The following EYA4 variants were observed in gnomAD, a reference collection of about 807,000 sequenced individuals.
The protein encoded by EYA4 is EYA transcriptional coactivator and phosphatase 4, also known as protein phosphatase EYA4.
EYA4 carries 31 observed loss-of-function variants against 87.9 expected under a neutral mutation model. That is an observed-to-expected ratio of 0.35 (90% CI 0.27 to 0.48). The LOEUF (loss-of-function observed/expected upper bound fraction) is 0.48. EYA4 is among the 20% of genes least tolerant of loss of function. The probability of loss-of-function intolerance (pLI) is 0.99; values close to 1 mark genes in which losing one functional copy is unlikely to be tolerated. For synonymous variants in EYA4, 263 were observed against 270.6 expected, an observed-to-expected ratio of 0.97 and a Z score of 0.28; for missense variants, 678 against 761.4, an observed-to-expected ratio of 0.89 and a Z score of 1.29.
At chr6:133,436,443 T>C (rs1392697842) in intron 3 of EYA4, among the ~76,000 whole-genome samples, 1 of 152,196 alleles carries the variant, frequency 6.6e-6, no homozygotes, top group East Asian at 1.9e-4. Context: ...CTACATTTTT[T>C]TCTATTCCTT....
rs1400422193 is a variant in EYA4, at chr6:133,448,142, C to G, written c.240C>G (p.Asp80Glu). Residue 80 changes from aspartate to glutamate, a missense_variant, in exon 5 of 20, where the codon GAC (aspartate) becomes GAG (glutamate). Coordinates refer to ENST00000355286, the MANE Select transcript of EYA4 (RefSeq NM_004100.5). Reference protein sequence around the residue: ...GENMTVLNTADWLLSCNTPSS... With the variant: ...GENMTVLNTAEWLLSCNTPSS... ...ACATGACTGTTTTAAACACAGCAGA[C>G]TGGTTGCTGAGTTGCAACACCCCCT... 6.2e-7 allele frequency: 1 copy of G among 1,613,662 alleles called. No homozygotes were observed. Among genetic ancestry groups the G allele is most frequent in the Non-Finnish European group, 8.5e-7 (1 of 1,179,722 alleles).
At chr6:133,421,579 C>T (rs530551351) in intron 3 of EYA4, among the ~76,000 whole-genome samples, 1 of 152,342 alleles carries the variant, frequency 6.6e-6, no homozygotes, top group Admixed American at 6.5e-5. Flanking sequence ...TGTCCTGAAG[C>T]TCTTCCTCAC....
intron 3 of EYA4, among the ~76,000 whole-genome samples, 199 bp from the exon 4 acceptor site, chr6:133,446,431 G>A (rs1792853200): frequency 6.6e-6 from 1 of 152,052 alleles, no homozygotes; most frequent in Non-Finnish European, 1.5e-5. Flanking sequence ...ACTTACTAGG[G>A]AAGCTTTTCT....
intron 2 of EYA4, among the ~76,000 whole-genome samples, chr6:133,324,338 T>C (rs996908214): frequency 1.3e-5 from 2 of 152,194 alleles, no homozygotes; most frequent in Non-Finnish European, 2.9e-5. Flanking sequence ...GCTCCTGTAA[T>C]TTTGACGGAA....
chr6:133,355,467 T>C (rs1783945888), intron 2 of EYA4, among the ~76,000 whole-genome samples: 1 of 152,202 alleles, frequency 6.6e-6, no homozygotes, highest in South Asian at 2.1e-4. Flanking sequence ...CAAGAAAATG[T>C]GGTACCTATA....
At chr6:133,523,275 A>C in intron 18 of EYA4, 98 bp downstream of exon 18, 1 of 1,284,082 alleles carries the variant, frequency 7.8e-7, no homozygotes, top group Non-Finnish European at 1.1e-6. Flanking sequence ...ACATGAAACA[A>C]ATTTGGATAA....
chr6:133,339,773 G>T (rs535580267), intron 2 of EYA4, among the ~76,000 whole-genome samples: 2 of 152,240 alleles, frequency 1.3e-5, no homozygotes, highest in East Asian at 3.9e-4. Context: ...TTGAACTCTT[G>T]GTTGATTAAT....
At chr6:133,295,356 C>T (rs1778868324) in intron 2 of EYA4, among the ~76,000 whole-genome samples, 1 of 152,134 alleles carries the variant, frequency 6.6e-6, no homozygotes, top group South Asian at 2.1e-4. Context: ...TTTAGCCTTA[C>T]TAGGACAACT....
intron 3 of EYA4, among the ~76,000 whole-genome samples, chr6:133,406,803 A>C (rs1788747279): frequency 6.6e-6 from 1 of 152,240 alleles, no homozygotes; most frequent in Non-Finnish European, 1.5e-5. Context: ...TTAAAATGAA[A>C]ATGAAATGTA....
chr6:133,399,890 C>T (rs1788113419), intron 3 of EYA4, among the ~76,000 whole-genome samples: 1 of 151,994 alleles, frequency 6.6e-6, no homozygotes, highest in Non-Finnish European at 1.5e-5. Flanking sequence ...TAAGAGAAAA[C>T]ACAAAGAGGA....
rs113295891 is a variant in EYA4, at chr6:133,329,588, A to G, written c.34-52804A>G. Among the ~76,000 whole-genome samples the G allele has an allele frequency of 5.7e-4, 87 of 152,222 alleles. No homozygotes were observed. In the Middle Eastern group the frequency reaches 0.014, roughly 24 times the overall value. ...TCATTATTGGTTGAATAATTAACCT[A>G]GATTATTTCTGTGAGAAATGTGGAT... On this transcript the variant is annotated intron_variant, in intron 2 of 19. Transcript: ENST00000355286.
At chr6:133,455,888 CAA>C (rs1793858358) in intron 5 of EYA4, among the ~76,000 whole-genome samples, 1 of 151,992 alleles carries the variant, frequency 6.6e-6, no homozygotes, top group Non-Finnish European at 1.5e-5. Context: ...AAGATTTTGC[CAA>C]AATACACCAT....
intron 2 of EYA4, 128 bp downstream of exon 2, chr6:133,274,941 C>T (rs1195794431): frequency 9.2e-6 from 7 of 757,232 alleles, no homozygotes; most frequent in Non-Finnish European, 1.6e-5. Context: ...TTTGAATTTC[C>T]TTTCAAAGAC....
chr6:133,370,789 T>C (rs1785207484), intron 2 of EYA4, among the ~76,000 whole-genome samples: 2 of 152,060 alleles, frequency 1.3e-5, no homozygotes. Flanking sequence ...ATTTGAGATG[T>C]AGTCATCTTG....
chr6:133,283,217 C>G (rs1777767709), intron 2 of EYA4, among the ~76,000 whole-genome samples: 1 of 151,926 alleles, frequency 6.6e-6, no homozygotes. Flanking sequence ...TTGCTTGAAC[C>G]CGGGAAGCGG....
chr6:133,488,467 A>C (rs1330107087), intron 13 of EYA4, among the ~76,000 whole-genome samples: 1 of 152,188 alleles, frequency 6.6e-6, no homozygotes, highest in African/African-American at 2.4e-5. Context: ...TGCTGGCTAC[A>C]GGTCTGATCC....
intron 1 of EYA4, among the ~76,000 whole-genome samples, chr6:133,274,211 T>C (rs1168319601): frequency 6.6e-6 from 1 of 152,192 alleles, no homozygotes; most frequent in East Asian, 1.9e-4. Flanking sequence ...CTTTTTAAGG[T>C]TGGTCATGTA....
intron 3 of EYA4, among the ~76,000 whole-genome samples, chr6:133,397,352 G>A (rs1787891914): frequency 6.6e-6 from 1 of 152,172 alleles, no homozygotes; most frequent in South Asian, 2.1e-4. Flanking sequence ...GCTTCAAATT[G>A]TTTCCAAAAC....
intron 2 of EYA4, among the ~76,000 whole-genome samples, chr6:133,373,868 A>G (rs1178801174): frequency 6.6e-6 from 1 of 152,074 alleles, no homozygotes; most frequent in Non-Finnish European, 1.5e-5. Context: ...CCAATCTTAG[A>G]ATGGGAGCTT....
Sources: allele counts gnomAD v4.1 joint callset (sites outside exome capture counted in the v4.1 genomes callset), GRCh38; gene constraint gnomAD v4.1.1; transcripts MANE v1.5; gene names NCBI Gene and HGNC (gene_info 2026-07-23, HGNC 2026-07-21).